The following CDK6 variants were observed in gnomAD, a reference collection of about 807,000 sequenced individuals.
CDK6 encodes cyclin dependent kinase 6.
Under a neutral mutation model 37.1 loss-of-function variants are expected in CDK6, and 6 were observed. That is an observed-to-expected ratio of 0.16 (90% CI 0.09 to 0.32). CDK6 has a LOEUF of 0.32. CDK6 is among the 10% of genes least tolerant of loss of function. The pLI is 1.00. For missense variants in CDK6, 224 were observed against 418.9 expected (o/e 0.53, Z 4.06); for synonymous variants, 160 against 161.3 (o/e 0.99, Z 0.06).
intron 3 of CDK6, among the ~76,000 whole-genome samples, chr7:92,727,631 C>T (rs1798543677): frequency 6.6e-6 from 1 of 152,030 alleles, no homozygotes; most frequent in African/African-American, 2.4e-5. Context: ...AAAACATGAC[C>T]ACTGCTACAA....
At position 92,672,997 on chromosome 7, in the gene CDK6, T is replaced by C. The variant is rs140393468; in HGVS notation, c.538-1462A>G. Among the ~76,000 whole-genome samples the C allele has an allele frequency of 8.8e-3, 1,336 of 152,314 alleles. 10 individuals carry two copies. The highest frequency in any genetic ancestry group is 0.014 in the Non-Finnish European group (921 of 68,028). ...GACTTACTTGACCTACAGAATATGGTAGACGTAATGTCTGAGACTACCAAT... is the reference window on the plus strand; with the variant it reads ...GACTTACTTGACCTACAGAATATGGCAGACGTAATGTCTGAGACTACCAAT... On this transcript the variant is annotated intron_variant, in intron 4 of 7. Transcript: ENST00000424848.
intron 4 of CDK6, among the ~76,000 whole-genome samples, chr7:92,723,267 A>AC (rs1448213229): frequency 2.2e-4 from 34 of 152,294 alleles, no homozygotes; most frequent in African/African-American, 8.2e-4. Context: ...TAGAAAGGGT[A>AC]CCTCTGGAGT....
chr7:92,738,144 T>C (rs1429540396), intron 3 of CDK6, among the ~76,000 whole-genome samples: 2 of 152,150 alleles, frequency 1.3e-5, no homozygotes, highest in Non-Finnish European at 2.9e-5. Flanking sequence ...GAGGACCATG[T>C]ACTCCTCACT....
Position 92,615,095 on chromosome 7 carries a change from C to T in CDK6, c.*45G>A, listed in dbSNP as rs1416886247. On this transcript the variant is annotated 3_prime_UTR_variant, in exon 8 of 8. Coordinates refer to ENST00000424848, the MANE Select transcript of CDK6 (RefSeq NM_001145306.2). Reference sequence around the variant, plus strand: ...TTGCTGAGGGGGACCCATAAGCCACCAAGGGTGTTCTCCGCAGGATCAGCT... The same window carrying T: ...TTGCTGAGGGGGACCCATAAGCCACTAAGGGTGTTCTCCGCAGGATCAGCT... 1.9e-6 allele frequency: 3 copies of T among 1,608,690 alleles called. No homozygotes were observed. The South Asian group carries it at 3.3e-5, about 18-fold the overall frequency.
chr7:92,702,220 CTTT>C (rs3066453), intron 4 of CDK6, among the ~76,000 whole-genome samples: 52 of 44,920 alleles, frequency 1.2e-3, no homozygotes, highest in African/African-American at 4.8e-3. Flanking sequence ...CAAGTATATT[CTTT>C]TTTTTTTTTT....
intron 3 of CDK6, among the ~76,000 whole-genome samples, chr7:92,742,087 T>C (rs1798937767): frequency 6.6e-6 from 1 of 152,152 alleles, no homozygotes; most frequent in Admixed American, 6.6e-5. Context: ...AAATAAGTAC[T>C]GGGTTGTTTT....
At chr7:92,736,593 T>C (rs1411836103) in intron 3 of CDK6, among the ~76,000 whole-genome samples, 1 of 152,162 alleles carries the variant, frequency 6.6e-6, no homozygotes, top group Non-Finnish European at 1.5e-5. Context: ...AGGAAGTGCT[T>C]ACGTGTTTGT....
intron 4 of CDK6, among the ~76,000 whole-genome samples, chr7:92,676,846 C>T (rs1195512598): frequency 6.6e-6 from 1 of 151,682 alleles, no homozygotes; most frequent in African/African-American, 2.4e-5. Flanking sequence ...GTAGTCCCAG[C>T]TACTGGGGAG....
At chr7:92,643,556 C>T (rs1288056464) in intron 5 of CDK6, among the ~76,000 whole-genome samples, 2 of 152,154 alleles carry the variant, frequency 1.3e-5, no homozygotes, top group African/African-American at 4.8e-5. Flanking sequence ...ATAGAAAAAG[C>T]CTCTTTAAGG....
intron 2 of CDK6, among the ~76,000 whole-genome samples, chr7:92,811,430 ATTCT>A (rs1433223113): frequency 6.6e-6 from 1 of 152,072 alleles, no homozygotes; most frequent in Non-Finnish European, 1.5e-5. Context: ...AAATGAAAAG[ATTCT>A]TTCTTGGCCT....
intron 4 of CDK6, among the ~76,000 whole-genome samples, chr7:92,709,391 C>T (rs1798036041): frequency 6.6e-6 from 1 of 152,138 alleles, no homozygotes; most frequent in Non-Finnish European, 1.5e-5. Flanking sequence ...AACTCCTCCT[C>T]ACTTGTAAGC....
chr7:92,637,675 C>G (rs1412396590), intron 5 of CDK6, among the ~76,000 whole-genome samples: 2 of 152,154 alleles, frequency 1.3e-5, no homozygotes, highest in African/African-American at 4.8e-5. Flanking sequence ...TAATAACACT[C>G]TGCTAAGTAA....
At chr7:92,672,160 T>TATACACATATATATAC (rs1210519115) in intron 4 of CDK6, among the ~76,000 whole-genome samples, 1 of 79,092 alleles carries the variant, frequency 1.3e-5, no homozygotes, top group African/African-American at 5.5e-5. Context: ...TATATATATA[T>TATACACATATATATAC]ACACATACAC....
At chr7:92,717,534 G>T (rs1798259659) in intron 4 of CDK6, among the ~76,000 whole-genome samples, 1 of 152,070 alleles carries the variant, frequency 6.6e-6, no homozygotes, top group South Asian at 2.1e-4. Flanking sequence ...GAAAAAGAAA[G>T]AAAGAAAGAC....
intron 2 of CDK6, among the ~76,000 whole-genome samples, chr7:92,807,683 T>C (rs1379242489): frequency 2.0e-5 from 3 of 152,032 alleles, no homozygotes; most frequent in Non-Finnish European, 4.4e-5. Flanking sequence ...CATAAATAAA[T>C]TTAAAAAGTG....
At chr7:92,811,795 C>T (rs903204962) in intron 2 of CDK6, among the ~76,000 whole-genome samples, 1 of 152,070 alleles carries the variant, frequency 6.6e-6, no homozygotes, top group Admixed American at 6.5e-5. Flanking sequence ...AACAAAACCA[C>T]CCCCCTACAA....
chr7:92,651,210 CAT>C lies in CDK6; in HGVS notation c.647+20214_647+20215del, dbSNP rs1431204806. ...AGGCTAGTTCTGTTTTTAAAGGACTCATGTGATTAGGTTGGGCCCCCTCAGAT... is the reference window on the plus strand; with the variant it reads ...AGGCTAGTTCTGTTTTTAAAGGACTCGTGATTAGGTTGGGCCCCCTCAGAT... On this transcript the variant is annotated intron_variant, in intron 5 of 7. Transcript: ENST00000424848. 1.4e-4 allele frequency among the ~76,000 whole-genome samples: 22 copies of C among 152,246 alleles called. No homozygotes were observed. The South Asian group carries it at 2.1e-3, about 14-fold the overall frequency.
chr7:92,672,509 T>C (rs1452457165), intron 4 of CDK6, among the ~76,000 whole-genome samples: 1 of 151,532 alleles, frequency 6.6e-6, no homozygotes, highest in Non-Finnish European at 1.5e-5. Flanking sequence ...GAGCAGCGTA[T>C]AGTAATAGAT....
At chr7:92,631,182 G>C (rs1293423267) in intron 5 of CDK6, among the ~76,000 whole-genome samples, 1 of 152,078 alleles carries the variant, frequency 6.6e-6, no homozygotes, top group Non-Finnish European at 1.5e-5. Flanking sequence ...TTGGGTAGGA[G>C]AGGGCCCAGG....
Sources: gnomAD v4.1 joint callset for allele counts (sites outside exome capture counted in the v4.1 genomes callset) on GRCh38, gnomAD v4.1.1 for gene constraint, MANE v1.5 for transcripts, NCBI Gene and HGNC (gene_info 2026-07-23, HGNC 2026-07-21) for gene names.